VPS13B: variants seen among roughly 807,000 people sequenced by gnomAD.
VPS13B encodes the protein vacuolar protein sorting 13 homolog B, also known as intermembrane lipid transfer protein VPS13B.
In VPS13B, 285 loss-of-function variants were observed where a neutral mutation model predicts 426.4. That is an observed-to-expected ratio of 0.67 (90% CI 0.61 to 0.74). The LOEUF (loss-of-function observed/expected upper bound fraction) is 0.74, where lower values mean the gene tolerates loss of function less well. VPS13B is among the 30% of genes least tolerant of loss of function. The probability of loss-of-function intolerance (pLI) is 0.00; values close to 1 mark genes in which losing one functional copy is unlikely to be tolerated. For missense variants in VPS13B, 4,537 were observed against 4,782.6 expected, an observed-to-expected ratio of 0.95 and a Z score of 1.51; for synonymous variants, 1,676 against 1,676.4, an observed-to-expected ratio of 1.00 and a Z score of 0.01.
At chr8:99,384,897 T>A (rs1452609425) in intron 20 of VPS13B, among the ~76,000 whole-genome samples, 2 of 152,226 alleles carry the variant, frequency 1.3e-5, no homozygotes, top group Non-Finnish European at 2.9e-5. Context: ...CAGGCTGGTC[T>A]TGAACTCCTG....
chr8:99,111,312 A>G, intron 6 of VPS13B, 33 bp downstream of exon 6: 3 of 1,560,534 alleles, frequency 1.9e-6, no homozygotes, highest in Non-Finnish European at 2.6e-6. Context: ...GTTAAGTTGC[A>G]TGTCTTTATT....
intron 21 of VPS13B, among the ~76,000 whole-genome samples, chr8:99,393,108 A>G (rs1814530979): frequency 6.6e-6 from 1 of 152,128 alleles, no homozygotes; most frequent in Non-Finnish European, 1.5e-5. Context: ...CCTTACATGC[A>G]TGTAAACCAT....
At chr8:99,458,332 T>G (rs1034585179) in intron 23 of VPS13B, among the ~76,000 whole-genome samples, 1 of 152,118 alleles carries the variant, frequency 6.6e-6, no homozygotes, top group African/African-American at 2.4e-5. Context: ...GGACATTTCG[T>G]TTGGTTCCAA....
chr8:99,684,163 A>G (rs570094882), intron 35 of VPS13B, among the ~76,000 whole-genome samples: 2 of 152,288 alleles, frequency 1.3e-5, no homozygotes, highest in African/African-American at 2.4e-5. Flanking sequence ...CCCCTGTTTT[A>G]GTTGTGGTAC....
At chr8:99,756,319 A>G (rs1268599370) in intron 39 of VPS13B, among the ~76,000 whole-genome samples, 2 of 152,188 alleles carry the variant, frequency 1.3e-5, no homozygotes, top group Admixed American at 6.5e-5. Context: ...AGAACAGAAA[A>G]TTTTAAAAAA....
chr8:99,556,680 C>G (rs750503330), intron 31 of VPS13B, 27 bp downstream of exon 31: 3 of 1,606,038 alleles, frequency 1.9e-6, no homozygotes, highest in East Asian at 2.2e-5. Flanking sequence ...AAACTTTCTA[C>G]TCTTTCTAAT....
intron 30 of VPS13B, among the ~76,000 whole-genome samples, chr8:99,540,005 T>C (rs1191032101): frequency 8.8e-6 from 1 of 113,770 alleles, no homozygotes; most frequent in African/African-American, 3.4e-5. Flanking sequence ...TATAAATATA[T>C]AAATAAATTA....
intron 34 of VPS13B, among the ~76,000 whole-genome samples, chr8:99,657,470 T>TG (rs60760111): frequency 5.4e-5 from 8 of 146,908 alleles, no homozygotes; most frequent in South Asian, 4.4e-4. Flanking sequence ...ACTTTAAAAA[T>TG]TGTGTGTGTG....
chr8:99,753,647 C>T (rs192557807), intron 39 of VPS13B, among the ~76,000 whole-genome samples: 15 of 152,212 alleles, frequency 9.9e-5, no homozygotes, highest in African/African-American at 3.6e-4. Flanking sequence ...CTTGATAAAT[C>T]GATAAGATAA....
At chr8:99,229,067 G>C (rs1816176209) in intron 17 of VPS13B, among the ~76,000 whole-genome samples, 1 of 152,114 alleles carries the variant, frequency 6.6e-6, no homozygotes, top group Non-Finnish European at 1.5e-5. Context: ...AAACAGGCCT[G>C]GTTAGGTTTT....
chr8:99,382,570 T>C (rs1813874462), intron 19 of VPS13B, among the ~76,000 whole-genome samples: 1 of 152,148 alleles, frequency 6.6e-6, no homozygotes, highest in Non-Finnish European at 1.5e-5. Flanking sequence ...ATTTGATTCT[T>C]TTTTTGGCAA....
At chr8:99,393,778 A>G (rs1342240771) in intron 21 of VPS13B, among the ~76,000 whole-genome samples, 1 of 152,086 alleles carries the variant, frequency 6.6e-6, no homozygotes, top group African/African-American at 2.4e-5. Context: ...TTCTCTGGGG[A>G]ACTTGGCAGT....
At chr8:99,435,106 T>G (rs997097718) in intron 22 of VPS13B, among the ~76,000 whole-genome samples, 1 of 152,172 alleles carries the variant, frequency 6.6e-6, no homozygotes, top group Admixed American at 6.5e-5. Context: ...TGTTACTTAT[T>G]GAAAGGATGC....
chr8:99,355,389 G>A (rs1186127601), intron 19 of VPS13B, among the ~76,000 whole-genome samples: 1 of 152,048 alleles, frequency 6.6e-6, no homozygotes, highest in African/African-American at 2.4e-5. Flanking sequence ...TCAAGAGATC[G>A]AGACCATCCT....
chr8:99,690,994 T>G (rs1438425137), intron 35 of VPS13B, among the ~76,000 whole-genome samples: 2 of 152,230 alleles, frequency 1.3e-5, no homozygotes, highest in Non-Finnish European at 2.9e-5. Context: ...AAGCAGAATG[T>G]GATATATGCT....
intron 33 of VPS13B, among the ~76,000 whole-genome samples, chr8:99,639,152 A>G (rs934183740): frequency 6.6e-6 from 1 of 152,178 alleles, no homozygotes; most frequent in African/African-American, 2.4e-5. Flanking sequence ...TAATTTGTTC[A>G]GAGTCATACA....
At chr8:99,520,870 T>A in intron 29 of VPS13B, 29 bp from the exon 30 acceptor site, 1 of 1,561,986 alleles carries the variant, frequency 6.4e-7, no homozygotes, top group African/African-American at 1.4e-5. Context: ...ATCCACAGTG[T>A]ATTCATGAAT....
At chr8:99,875,238 TA>T (rs1380389705) in intron 61 of VPS13B, 179 bp from the exon 62 acceptor site, 6 of 856,148 alleles carry the variant, frequency 7.0e-6, no homozygotes, top group Non-Finnish European at 9.4e-6. Flanking sequence ...GTTATACTGC[TA>T]AAACTGCATT....
chr8:99,317,601 C>T (rs760090369), intron 19 of VPS13B, among the ~76,000 whole-genome samples: 1 of 152,054 alleles, frequency 6.6e-6, no homozygotes, highest in Non-Finnish European at 1.5e-5. Context: ...GGTAACCATT[C>T]CTTCTTCTCA....
Sources: gnomAD v4.1 joint callset for allele counts (sites outside exome capture counted in the v4.1 genomes callset) on GRCh38, gnomAD v4.1.1 for gene constraint, MANE v1.5 for transcripts, NCBI Gene and HGNC (gene_info 2026-07-23, HGNC 2026-07-21) for gene names.